The following PACSIN2 variants were observed in gnomAD, a reference collection of about 807,000 sequenced individuals.
PACSIN2 encodes protein kinase C and casein kinase substrate in neurons 2, also known as protein kinase C and casein kinase substrate in neurons protein 2.
PACSIN2 carries 25 observed loss-of-function variants against 63.8 expected under a neutral mutation model. The ratio of observed to expected loss-of-function variants is 0.39; its 90% CI spans 0.29 to 0.55. The LOEUF (loss-of-function observed/expected upper bound fraction) is 0.55, where lower values mean the gene tolerates loss of function less well. Ranked by LOEUF, PACSIN2 falls within the 20% of genes least tolerant of loss-of-function variation. The probability of loss-of-function intolerance (pLI) is 0.62; values close to 1 mark genes in which losing one functional copy is unlikely to be tolerated. For synonymous variants in PACSIN2, 255 were observed against 256.2 expected (o/e 1.00, Z 0.05); for missense variants, 518 against 646.9 (o/e 0.80, Z 2.16).
At chr22:42,936,962 T>A (rs955682365) in intron 1 of PACSIN2, among the ~76,000 whole-genome samples, 2 of 152,098 alleles carry the variant, frequency 1.3e-5, no homozygotes, top group African/African-American at 4.8e-5. Flanking sequence ...AATACCTATT[T>A]ACACCCATTG....
chr22:42,958,346 T>C (rs1247243905), intron 1 of PACSIN2, among the ~76,000 whole-genome samples: 2 of 152,180 alleles, frequency 1.3e-5, no homozygotes, highest in East Asian at 1.9e-4. Context: ...TTCTGCATTA[T>C]GCCACCAAAT....
At chr22:43,001,678 T>C (rs572679185) in intron 1 of PACSIN2, among the ~76,000 whole-genome samples, 2 of 152,234 alleles carry the variant, frequency 1.3e-5, no homozygotes, top group Non-Finnish European at 2.9e-5. Flanking sequence ...AGTCTCTTCA[T>C]TTTGTTGTGA....
At chr22:42,934,229 T>A (rs1320982181) in intron 1 of PACSIN2, among the ~76,000 whole-genome samples, 1 of 152,240 alleles carries the variant, frequency 6.6e-6, no homozygotes, top group Admixed American at 6.5e-5. Flanking sequence ...AAAACCATAC[T>A]AAATTCAAAA....
chr22:42,878,963 G>A, intron 8 of PACSIN2, 85 bp downstream of exon 8: 1 of 1,465,058 alleles, frequency 6.8e-7, no homozygotes, highest in Non-Finnish European at 9.1e-7. Context: ...CAGGTGTCCA[G>A]GCCGGGGCTG....
chr22:42,891,252 G>A (rs1929893741), intron 3 of PACSIN2, 70 bp from the exon 4 acceptor site: 12 of 1,013,972 alleles, frequency 1.2e-5, no homozygotes, highest in East Asian at 2.5e-5. Context: ...CTCACACCTC[G>A]GCTGTTCAAT....
At chr22:42,919,410 C>A (rs1932019113) in intron 1 of PACSIN2, among the ~76,000 whole-genome samples, 1 of 152,310 alleles carries the variant, frequency 6.6e-6, no homozygotes, top group Middle Eastern at 3.4e-3. Flanking sequence ...GACAGGGACT[C>A]ATCTGGCACT....
chr22:42,872,494 T>C (rs1344158604), intron 10 of PACSIN2, among the ~76,000 whole-genome samples: 7 of 152,382 alleles, frequency 4.6e-5, no homozygotes, highest in Admixed American at 2.0e-4. Flanking sequence ...TTTTTCAGAA[T>C]TAGATGCAGT....
intron 2 of PACSIN2, among the ~76,000 whole-genome samples, chr22:42,899,340 G>A (rs143556689): frequency 0.01 from 1,596 of 152,106 alleles, 59 homozygotes; most frequent in Admixed American, 0.082. Context: ...AAGCTGAAGC[G>A]CAGTGGTGCC....
At position 42,912,052 on chromosome 22, in the gene PACSIN2, C is replaced by T; in HGVS notation, c.29G>A (p.Gly10Glu). The change falls in exon 2 of 11, where the codon GGA (glycine) becomes GAA (glutamate). Residue 10 changes from glycine to glutamate, a missense_variant. Physicochemically the swap from Gly to Glu is moderately conservative, Grantham distance 98 (BLOSUM62 -2). This residue lies in a region of PACSIN2 where 507 missense variants were observed against 612.3 expected (regional missense o/e 0.83). Coordinates refer to ENST00000263246, the MANE Select transcript of PACSIN2 (RefSeq NM_001184970.3). ...GAAGCTGTCGCTGGACACTTCTACT[C>T]CAACGGAATCATCATATGTGACAGA... The part of the protein sequence containing the change: MSVTYDDSV[G>E]VEVSSDSFWE... The T allele has an allele frequency of 6.2e-7, 1 of 1,604,616 alleles. No individual in the cohort carries two copies.
rs553555633 is a variant in PACSIN2, at chr22:42,892,148, C to A, written c.218-966G>T. Among the ~76,000 whole-genome samples, 100 of 152,256 alleles carry A rather than the reference C, an allele frequency of 6.6e-4. 1 individual carries two copies. Among genetic ancestry groups the A allele is most frequent in the Non-Finnish European group, 1.3e-3 (87 of 68,006 alleles). ...CAGTCCCCGAGGCTCAGGAAGGAAGCCCTAATCCAGGCTGGCATTTCTATT... is the reference window on the plus strand; with the variant it reads ...CAGTCCCCGAGGCTCAGGAAGGAAGACCTAATCCAGGCTGGCATTTCTATT... On this transcript the variant is annotated intron_variant, in intron 3 of 10. Transcript: ENST00000263246.
chr22:42,937,149 G>C (rs1932950241), intron 1 of PACSIN2, among the ~76,000 whole-genome samples: 1 of 152,180 alleles, frequency 6.6e-6, no homozygotes, highest in Non-Finnish European at 1.5e-5. Flanking sequence ...TGACCCAGCA[G>C]GTGCTATGCA....
At chr22:42,935,285 T>A (rs5759045) in intron 1 of PACSIN2, among the ~76,000 whole-genome samples, 30,673 of 152,028 alleles carry the variant, frequency 0.2, 5,368 homozygotes, top group East Asian at 0.7. Context: ...TATTCCTGAT[T>A]ATCGAGGACC....
At chr22:43,014,769 C>G (rs1000811508) in intron 1 of PACSIN2, among the ~76,000 whole-genome samples, 9 of 151,774 alleles carry the variant, frequency 5.9e-5, no homozygotes, top group Non-Finnish European at 1.3e-4. Flanking sequence ...GCCCCCGCCC[C>G]TTCCCCGAGC....
intron 5 of PACSIN2, among the ~76,000 whole-genome samples, chr22:42,888,327 C>T (rs1018762893): frequency 1.3e-5 from 2 of 152,198 alleles, no homozygotes; most frequent in Non-Finnish European, 1.5e-5. Context: ...CCACCACTGG[C>T]GACGCCCATG....
chr22:42,987,324 C>G (rs1922685008), intron 1 of PACSIN2, among the ~76,000 whole-genome samples: 1 of 151,998 alleles, frequency 6.6e-6, no homozygotes, highest in Admixed American at 6.6e-5. Flanking sequence ...TAGCTTCCCA[C>G]AGATAAAAAT....
intron 5 of PACSIN2, among the ~76,000 whole-genome samples, chr22:42,885,018 C>A (rs1403515774): frequency 6.6e-6 from 1 of 152,176 alleles, no homozygotes; most frequent in Non-Finnish European, 1.5e-5. Context: ...CTGATATGTA[C>A]ATGATGGGGT....
At chr22:42,923,025 G>A (rs1932296388) in intron 1 of PACSIN2, among the ~76,000 whole-genome samples, 1 of 152,176 alleles carries the variant, frequency 6.6e-6, no homozygotes, top group Non-Finnish European at 1.5e-5. Flanking sequence ...GAGGGAGTGA[G>A]TGTTGTGGCT....
intron 1 of PACSIN2, among the ~76,000 whole-genome samples, chr22:42,989,250 C>A (rs1319199804): frequency 6.6e-6 from 1 of 152,208 alleles, no homozygotes; most frequent in East Asian, 1.9e-4. Context: ...ATTAACCCAG[C>A]ACTTTGGGAG....
intron 1 of PACSIN2, among the ~76,000 whole-genome samples, chr22:42,971,839 GA>G (rs774294727): frequency 0.011 from 346 of 31,488 alleles, no homozygotes; most frequent in South Asian, 0.023. Flanking sequence ...CCCCGTCCGG[GA>G]GGGAGGTGGG....
Sources: gnomAD v4.1 joint callset for allele counts (sites outside exome capture counted in the v4.1 genomes callset) on GRCh38, gnomAD v4.1.1 for gene constraint, gnomAD v4.1.1 regional missense constraint, MANE v1.5 for transcripts, NCBI Gene and HGNC (gene_info 2026-07-23, HGNC 2026-07-21) for gene names.